The following LMNTD1 variants were observed in gnomAD, a reference collection of about 807,000 sequenced individuals.
LMNTD1 encodes lamin tail domain containing 1.
LMNTD1 carries 35 observed loss-of-function variants against 50.9 expected under a neutral mutation model. That is an observed-to-expected ratio of 0.69 (90% CI 0.53 to 0.91). The LOEUF (loss-of-function observed/expected upper bound fraction) is 0.91, where lower values mean the gene tolerates loss of function less well. LMNTD1 is among the 40% of genes least tolerant of loss of function. LMNTD1 has a pLI of 0.00. For missense variants in LMNTD1, 470 were observed against 475.5 expected (o/e 0.99, Z 0.11); for synonymous variants, 153 against 161.9 (o/e 0.94, Z 0.42).
At chr12:25,644,505 C>T (rs1204359861) in intron 1 of LMNTD1, among the ~76,000 whole-genome samples, 1 of 151,518 alleles carries the variant, frequency 6.6e-6, no homozygotes, top group Non-Finnish European at 1.5e-5. Context: ...AACAAACGAA[C>T]AACAACAAAA....
At chr12:25,632,270 A>T (rs1946735612) in intron 1 of LMNTD1, among the ~76,000 whole-genome samples, 1 of 152,136 alleles carries the variant, frequency 6.6e-6, no homozygotes, top group Non-Finnish European at 1.5e-5. Context: ...TTGCTAGTGT[A>T]TCCAAATACA....
chr12:25,495,249 CGTGTGTGTGTGTGTGTGT>C (rs1207389869), intron 9 of LMNTD1, among the ~76,000 whole-genome samples: 1 of 144,664 alleles, frequency 6.9e-6, no homozygotes, highest in Non-Finnish European at 1.5e-5. Flanking sequence ...AAAGTGTGTA[CGTGTGTGTGTGTGTGTGT>C]GTGTGTGTGT....
intron 4 of LMNTD1, among the ~76,000 whole-genome samples, chr12:25,529,372 G>A (rs279012): frequency 0.62 from 94,784 of 151,898 alleles, 30,792 homozygotes; most frequent in Non-Finnish European, 0.71. Context: ...ACTGAGCTTC[G>A]GATCCACAGA....
At chr12:25,579,729 T>C (rs1945196973) in intron 1 of LMNTD1, among the ~76,000 whole-genome samples, 1 of 152,250 alleles carries the variant, frequency 6.6e-6, no homozygotes, top group African/African-American at 2.4e-5. Flanking sequence ...TTTGGACTCA[T>C]TCTTGATTCC....
intron 1 of LMNTD1, among the ~76,000 whole-genome samples, chr12:25,603,958 C>T (rs912095705): frequency 6.6e-6 from 1 of 152,022 alleles, no homozygotes; most frequent in East Asian, 1.9e-4. Flanking sequence ...GGGGGGAAGG[C>T]TGACAAGTGG....
intron 1 of LMNTD1, among the ~76,000 whole-genome samples, chr12:25,566,135 T>C (rs1944547882): frequency 6.6e-6 from 1 of 152,160 alleles, no homozygotes; most frequent in South Asian, 2.1e-4. Context: ...TGCTATCTTT[T>C]TTAGGTTTGG....
intron 4 of LMNTD1, among the ~76,000 whole-genome samples, chr12:25,543,257 A>C (rs1943217819): frequency 6.6e-6 from 1 of 152,088 alleles, no homozygotes; most frequent in Non-Finnish European, 1.5e-5. Flanking sequence ...ACTATATCCC[A>C]TCTCATTCCA....
chr12:25,621,182 C>T (rs1384422549), intron 1 of LMNTD1, among the ~76,000 whole-genome samples: 1 of 152,156 alleles, frequency 6.6e-6, no homozygotes, highest in East Asian at 1.9e-4. Flanking sequence ...TAACTAATAA[C>T]CGCATCTATT....
At chr12:25,596,658 G>A (rs553829955) in intron 1 of LMNTD1, among the ~76,000 whole-genome samples, 125 of 152,108 alleles carry the variant, frequency 8.2e-4, no homozygotes, top group African/African-American at 2.9e-3. Context: ...TACAAGAAAT[G>A]CTAAAGGGAG....
intron 4 of LMNTD1, among the ~76,000 whole-genome samples, chr12:25,543,293 A>G (rs1943219747): frequency 6.6e-6 from 1 of 152,050 alleles, no homozygotes; most frequent in African/African-American, 2.4e-5. Flanking sequence ...CCGTGATACC[A>G]AAACAGACAA....
intron 4 of LMNTD1, among the ~76,000 whole-genome samples, chr12:25,530,950 G>C (rs768727609): frequency 7.2e-5 from 11 of 152,180 alleles, no homozygotes; most frequent in Non-Finnish European, 1.0e-4. Context: ...GCAGAAGAGA[G>C]CTGCAGCGGG....
intron 4 of LMNTD1, among the ~76,000 whole-genome samples, chr12:25,541,795 T>C (rs1417613060): frequency 7.8e-6 from 1 of 128,474 alleles, no homozygotes; most frequent in Non-Finnish European, 1.7e-5. Flanking sequence ...ACCTACAAAA[T>C]GGGAGAAAAT....
intron 1 of LMNTD1, among the ~76,000 whole-genome samples, chr12:25,595,320 A>G (rs555923002): frequency 8.3e-4 from 126 of 152,314 alleles, no homozygotes; most frequent in African/African-American, 2.9e-3. Flanking sequence ...GATAGACTAT[A>G]TAATAGGCCA....
At chr12:25,621,832 G>T (rs1946478813) in intron 1 of LMNTD1, among the ~76,000 whole-genome samples, 1 of 152,136 alleles carries the variant, frequency 6.6e-6, no homozygotes, top group Admixed American at 6.5e-5. Flanking sequence ...AAGAGAAGTG[G>T]GCCGTGGAGA....
intron 1 of LMNTD1, among the ~76,000 whole-genome samples, chr12:25,561,159 C>T (rs1944297994): frequency 6.6e-6 from 1 of 152,096 alleles, no homozygotes; most frequent in South Asian, 2.1e-4. Context: ...CTGCTCTGAT[C>T]TTAGTTATTT....
intron 1 of LMNTD1, among the ~76,000 whole-genome samples, chr12:25,606,940 C>T (rs1472310490): frequency 3.3e-5 from 5 of 152,138 alleles, no homozygotes; most frequent in East Asian, 3.9e-4. Context: ...TGGTAGAATT[C>T]GGCTGTGAAT....
chr12:25,563,664 T>A (rs1944429930), intron 1 of LMNTD1, among the ~76,000 whole-genome samples: 1 of 152,216 alleles, frequency 6.6e-6, no homozygotes, highest in Admixed American at 6.5e-5. Context: ...CACTACTCTC[T>A]TAAAAGCTGT....
At chr12:25,579,693 C>T (rs1348484643) in intron 1 of LMNTD1, among the ~76,000 whole-genome samples, 6 of 152,118 alleles carry the variant, frequency 3.9e-5, no homozygotes, top group African/African-American at 1.4e-4. Flanking sequence ...TCAGTAAAAA[C>T]CAACTAAATT....
chr12:25,562,170 C>A (rs1240331803), intron 1 of LMNTD1, among the ~76,000 whole-genome samples: 1 of 152,130 alleles, frequency 6.6e-6, no homozygotes, highest in South Asian at 2.1e-4. Context: ...TGAATTTGAT[C>A]CTGTCATTAT....
Sources: allele counts gnomAD v4.1 joint callset (sites outside exome capture counted in the v4.1 genomes callset), GRCh38; gene constraint gnomAD v4.1.1; transcripts MANE v1.5; gene names NCBI Gene and HGNC (gene_info 2026-07-23, HGNC 2026-07-21).